The following ANKS1B variants were observed in gnomAD, a reference collection of about 807,000 sequenced individuals.
The protein encoded by ANKS1B is ankyrin repeat and sterile alpha motif domain containing 1B, also known as ankyrin repeat and sterile alpha motif domain-containing protein 1B.
Under a neutral mutation model 148.3 loss-of-function variants are expected in ANKS1B, and 36 were observed. The observed-to-expected ratio is 0.24, with a 90% CI of 0.19 to 0.32. ANKS1B has a LOEUF of 0.32. ANKS1B is among the 10% of genes least tolerant of loss of function. The pLI is 1.00. For synonymous variants in ANKS1B, 542 were observed against 560.8 expected (o/e 0.97, Z 0.47); for missense variants, 1,157 against 1,542.6 (o/e 0.75, Z 4.19).
chr12:98,899,518 G>C (rs2099769238), intron 17 of ANKS1B, among the ~76,000 whole-genome samples: 2 of 152,150 alleles, frequency 1.3e-5, no homozygotes, highest in East Asian at 3.9e-4. Flanking sequence ...CTTAGATAAT[G>C]TCATTCAACT....
intron 8 of ANKS1B, among the ~76,000 whole-genome samples, chr12:99,661,143 A>G (rs1321387521): frequency 6.6e-6 from 1 of 152,140 alleles, no homozygotes; most frequent in East Asian, 1.9e-4. Context: ...GACCTCCACA[A>G]ACAAGTTTTA....
intron 8 of ANKS1B, among the ~76,000 whole-genome samples, chr12:99,721,208 C>T (rs1387759540): frequency 6.6e-6 from 1 of 152,196 alleles, no homozygotes; most frequent in Non-Finnish European, 1.5e-5. Context: ...CCTAATCCCA[C>T]TCGAAGCAGC....
At chr12:99,889,161 A>G (rs2092975180) in intron 1 of ANKS1B, among the ~76,000 whole-genome samples, 1 of 152,176 alleles carries the variant, frequency 6.6e-6, no homozygotes, top group Non-Finnish European at 1.5e-5. Flanking sequence ...TTTATGGAGG[A>G]AGCACTATTA....
intron 12 of ANKS1B, among the ~76,000 whole-genome samples, chr12:99,273,021 G>T (rs2077222712): frequency 6.6e-6 from 1 of 152,114 alleles, no homozygotes; most frequent in Non-Finnish European, 1.5e-5. Context: ...AACCTCTACA[G>T]ATAGTTGCAA....
chr12:99,161,694 A>G (rs2076675505), intron 14 of ANKS1B, among the ~76,000 whole-genome samples: 1 of 152,230 alleles, frequency 6.6e-6, no homozygotes, highest in South Asian at 2.1e-4. Flanking sequence ...GGTCAAAAGA[A>G]ACTTCAAATA....
At chr12:99,406,573 G>T (rs2094537197) in intron 11 of ANKS1B, among the ~76,000 whole-genome samples, 1 of 144,836 alleles carries the variant, frequency 6.9e-6, no homozygotes, top group African/African-American at 2.6e-5. Flanking sequence ...CATCAAAAAA[G>T]TAGAAAAACT....
intron 17 of ANKS1B, among the ~76,000 whole-genome samples, chr12:98,932,975 G>T (rs1414686661): frequency 1.3e-5 from 2 of 152,100 alleles, no homozygotes; most frequent in Non-Finnish European, 2.9e-5. Flanking sequence ...CCATTCTATT[G>T]TGTTAATAGC....
chr12:99,539,575 T>C (rs1419963635), intron 9 of ANKS1B, among the ~76,000 whole-genome samples: 17 of 152,110 alleles, frequency 1.1e-4, no homozygotes, highest in Admixed American at 5.9e-4. Flanking sequence ...AATGGAGGTA[T>C]AGAGGGACAA....
At chr12:98,743,482 T>G (rs1409450046), downstream of ANKS1B, among the ~76,000 whole-genome samples, 1 of 152,200 alleles carries the variant, frequency 6.6e-6, no homozygotes, top group East Asian at 1.9e-4. Flanking sequence ...TGTATCAATT[T>G]TCCCCTTGAA....
At chr12:99,568,746 G>A (rs543908715) in intron 9 of ANKS1B, among the ~76,000 whole-genome samples, 5 of 152,206 alleles carry the variant, frequency 3.3e-5, no homozygotes, top group African/African-American at 9.6e-5. Context: ...CATTCACAAA[G>A]CACCTAATTT....
rs879173702 is a variant in ANKS1B, at chr12:99,369,791, T to TAGATAGATAGATGGAC, written c.1756+29839_1756+29840insGTCCATCTATCTATCT. ...ATAGATAGATAGATAGATAGATAGA[T>TAGATAGATAGATGGAC]GGACGGACGGACAGACGGACGGACG... On this transcript the variant is annotated intron_variant, in intron 12 of 26. Transcript: ENST00000683438. Among the ~76,000 whole-genome samples the TAGATAGATAGATGGAC allele has an allele frequency of 5.3e-3, 795 of 148,838 alleles. 3 individuals are homozygous for TAGATAGATAGATGGAC. Among genetic ancestry groups the TAGATAGATAGATGGAC allele is most frequent in the African/African-American group, 0.016 (626 of 40,136 alleles).
intron 10 of ANKS1B, among the ~76,000 whole-genome samples, chr12:99,472,288 G>C (rs188537260): frequency 6.6e-6 from 1 of 152,072 alleles, no homozygotes; most frequent in African/African-American, 2.4e-5. Context: ...GGCTCGGTCA[G>C]TCAGTAACTG....
intron 12 of ANKS1B, among the ~76,000 whole-genome samples, chr12:99,320,566 C>A (rs538127333): frequency 6.6e-6 from 1 of 152,272 alleles, no homozygotes; most frequent in Admixed American, 6.5e-5. Context: ...GTCTTCTCTA[C>A]ACTGTTTATC....
chr12:99,759,057 A>G (rs969641088), intron 8 of ANKS1B, among the ~76,000 whole-genome samples: 3 of 151,992 alleles, frequency 2.0e-5, no homozygotes, highest in Admixed American at 2.0e-4. Context: ...TTCTTTGTTC[A>G]TTTTAAAGTC....
Position 99,720,447 on chromosome 12 carries a change from T to C in ANKS1B, c.1128+52475A>G, listed in dbSNP as rs181908606. Among the ~76,000 whole-genome samples, 557 of 152,310 alleles carry C rather than the reference T, an allele frequency of 3.7e-3. 5 individuals carry two copies. The highest frequency in any genetic ancestry group is 0.027 in the Middle Eastern group (8 of 294). On this transcript the variant is annotated intron_variant, in intron 8 of 26. Coordinates refer to ENST00000683438, the MANE Select transcript of ANKS1B (RefSeq NM_001352186.2). Reference sequence around the variant, plus strand: ...TATACAGTCCAATAGCAGACCAGCCTTTATTAGTCAAATCAGCCAAGCAGT... The same window carrying C: ...TATACAGTCCAATAGCAGACCAGCCCTTATTAGTCAAATCAGCCAAGCAGT...
intron 17 of ANKS1B, among the ~76,000 whole-genome samples, chr12:98,982,506 C>A (rs565274159): frequency 6.6e-6 from 1 of 152,190 alleles, no homozygotes; most frequent in Non-Finnish European, 1.5e-5. Context: ...TACTTCCCTC[C>A]CTCTTAGAAA....
intron 9 of ANKS1B, among the ~76,000 whole-genome samples, chr12:99,618,151 CA>C (rs1349792116): frequency 1.3e-5 from 2 of 152,122 alleles, no homozygotes; most frequent in African/African-American, 4.8e-5. Context: ...GGTATCAACT[CA>C]AACATCACCT....
chr12:99,949,770 C>G (rs1199071702), intron 1 of ANKS1B, among the ~76,000 whole-genome samples: 1 of 152,190 alleles, frequency 6.6e-6, no homozygotes, highest in Admixed American at 6.5e-5. Context: ...CACCATCTGT[C>G]TCTGTAAATA....
At chr12:99,780,155 A>G (rs1036950378) in intron 5 of ANKS1B, among the ~76,000 whole-genome samples, 183 bp from the exon 6 acceptor site, 4 of 152,178 alleles carry the variant, frequency 2.6e-5, no homozygotes, top group African/African-American at 9.7e-5. Flanking sequence ...ACACTCACAC[A>G]AGATTTTAGC....
Sources: gnomAD v4.1 joint callset for allele counts (sites outside exome capture counted in the v4.1 genomes callset) on GRCh38, gnomAD v4.1.1 for gene constraint, MANE v1.5 for transcripts, NCBI Gene and HGNC (gene_info 2026-07-23, HGNC 2026-07-21) for gene names.